The following PARP15 variants were observed in gnomAD, a reference collection of about 807,000 sequenced individuals.
PARP15 encodes protein mono-ADP-ribosyltransferase PARP15.
In PARP15, 50 loss-of-function variants were observed where a neutral mutation model predicts 62.1. The observed-to-expected ratio is 0.81, with a 90% CI of 0.64 to 1.02. PARP15 has a LOEUF of 1.02. Ranked by LOEUF, PARP15 falls within the 50% of genes least tolerant of loss-of-function variation. The probability of loss-of-function intolerance (pLI) is 0.00; values close to 1 mark genes in which losing one functional copy is unlikely to be tolerated. For missense variants in PARP15, 820 were observed against 826.5 expected, an observed-to-expected ratio of 0.99 and a Z score of 0.10; for synonymous variants, 309 against 293.1, an observed-to-expected ratio of 1.05 and a Z score of -0.55.
intron 1 of PARP15, among the ~76,000 whole-genome samples, chr3:122,596,685 A>G (rs1450180090): frequency 1.3e-5 from 2 of 152,244 alleles, no homozygotes; most frequent in African/African-American, 2.4e-5. Context: ...AGGGTTTACC[A>G]TGCACAAAAT....
intron 1 of PARP15, among the ~76,000 whole-genome samples, chr3:122,602,328 G>T (rs918762533): frequency 7.2e-5 from 11 of 152,152 alleles, no homozygotes; most frequent in African/African-American, 2.2e-4. Flanking sequence ...GACTGGTATG[G>T]AGGTAGAGGA....
chr3:122,628,696 G>C (rs1260604906), intron 9 of PARP15, among the ~76,000 whole-genome samples: 1 of 152,224 alleles, frequency 6.6e-6, no homozygotes, highest in Non-Finnish European at 1.5e-5. Context: ...CTGACCCTCT[G>C]AGACAGCAGG....
intron 4 of PARP15, 197 bp from the exon 5 acceptor site, chr3:122,615,582 A>T: frequency 7.9e-7 from 1 of 1,273,630 alleles, no homozygotes; most frequent in Non-Finnish European, 1.1e-6. Context: ...CTCACAAAGT[A>T]AAGCAAATCA....
intron 7 of PARP15, 85 bp downstream of exon 7, chr3:122,619,928 G>C (rs1410572620): frequency 7.8e-7 from 1 of 1,287,188 alleles, no homozygotes; most frequent in Non-Finnish European, 1.1e-6. Context: ...AGGACTGGAG[G>C]TGGAGTAAGT....
At chr3:122,627,912 A>C (rs1473228933) in intron 9 of PARP15, among the ~76,000 whole-genome samples, 1 of 152,240 alleles carries the variant, frequency 6.6e-6, no homozygotes, top group African/African-American at 2.4e-5. Flanking sequence ...AAATAATAGA[A>C]AGTCCATCTT....
chr3:122,600,942 T>C (rs1934737763), intron 1 of PARP15, among the ~76,000 whole-genome samples: 1 of 151,840 alleles, frequency 6.6e-6, no homozygotes, highest in South Asian at 2.1e-4. Flanking sequence ...TTGTTGCAAC[T>C]GATGAACCAA....
At chr3:122,594,257 G>T (rs1934167375) in intron 1 of PARP15, among the ~76,000 whole-genome samples, 1 of 152,060 alleles carries the variant, frequency 6.6e-6, no homozygotes, top group South Asian at 2.1e-4. Context: ...GCTATGATGG[G>T]ACACTGCATT....
chr3:122,591,474 A>G (rs902360894), intron 1 of PARP15, among the ~76,000 whole-genome samples: 6 of 152,164 alleles, frequency 3.9e-5, no homozygotes, highest in Non-Finnish European at 5.9e-5. Flanking sequence ...TTTCTTAAAA[A>G]TATTGGGGCC....
At chr3:122,611,160 GAA>G (rs1233461909) in intron 3 of PARP15, among the ~76,000 whole-genome samples, 1 of 151,924 alleles carries the variant, frequency 6.6e-6, no homozygotes, top group Non-Finnish European at 1.5e-5. Context: ...TGGTGAAGAA[GAA>G]AAAAGAGTCA....
chr3:122,580,985 C>T (rs895351815), intron 1 of PARP15, among the ~76,000 whole-genome samples: 1 of 152,118 alleles, frequency 6.6e-6, no homozygotes, highest in Non-Finnish European at 1.5e-5. Flanking sequence ...TTACCATTGC[C>T]TGTAGTATTC....
intron 2 of PARP15, among the ~76,000 whole-genome samples, chr3:122,607,146 GA>G (rs749372881): frequency 7.9e-5 from 12 of 152,126 alleles, no homozygotes; most frequent in Non-Finnish European, 1.6e-4. Flanking sequence ...TATAACACTG[GA>G]ATTGTAATTA....
intron 7 of PARP15, among the ~76,000 whole-genome samples, chr3:122,620,653 G>A (rs374850014): frequency 1.3e-5 from 2 of 151,634 alleles, no homozygotes; most frequent in East Asian, 1.9e-4. Context: ...GGGAGAGCTC[G>A]CTGTGCCTGG....
rs989096552 is a variant in PARP15, at chr3:122,634,807, C to T, written c.1573-213C>T. On this transcript the variant is annotated intron_variant, in intron 10 of 11. Transcript: ENST00000464300. ...AACAAGCACTATTACAAAGCATAGACACTAATAGATACTTTTAGCCCATCT... is the reference window on the plus strand; with the variant it reads ...AACAAGCACTATTACAAAGCATAGATACTAATAGATACTTTTAGCCCATCT... 7.2e-5 allele frequency among the ~76,000 whole-genome samples: 11 copies of T among 152,198 alleles called. 1 individual carries two copies. Among genetic ancestry groups the T allele is most frequent in the South Asian group, 6.2e-4 (3 of 4,834 alleles).
In PARP15 at chr3:122,621,867, C is replaced by A. The variant is rs1936372524; in HGVS notation, c.1231+256C>A. ...AGGCTGGAGTGCAGTGGTGTAATCT[C>A]AGCTCACTGCAACCTCCTCCTCCCA... On this transcript the variant is annotated intron_variant, in intron 8 of 11. Coordinates refer to ENST00000464300, the MANE Select transcript of PARP15 (RefSeq NM_001113523.3). Among the ~76,000 whole-genome samples, 3 of 152,158 alleles carry A rather than the reference C, an allele frequency of 2.0e-5. No homozygotes were observed. The South Asian group carries it at 6.2e-4, about 32-fold the overall frequency.
intron 1 of PARP15, among the ~76,000 whole-genome samples, chr3:122,586,508 C>T (rs1447457667): frequency 1.5e-5 from 2 of 130,688 alleles, no homozygotes; most frequent in Non-Finnish European, 3.3e-5. Flanking sequence ...ACATGCCCAA[C>T]CCATATGTAA....
intron 1 of PARP15, among the ~76,000 whole-genome samples, chr3:122,584,681 G>A (rs929491748): frequency 1.3e-5 from 2 of 150,026 alleles, no homozygotes; most frequent in Non-Finnish European, 3.0e-5. Context: ...GGGTTCAGGC[G>A]ATTCTCCTGC....
intron 1 of PARP15, among the ~76,000 whole-genome samples, chr3:122,599,372 CA>C (rs35376492): frequency 2.1e-3 from 278 of 134,078 alleles, no homozygotes; most frequent in Middle Eastern, 0.012. Context: ...GACATAGTCT[CA>C]AAAAAAAAAA....
At chr3:122,593,120 C>CTATCTATCTATCTATCTATCTATGTATG (rs373898846) in intron 1 of PARP15, among the ~76,000 whole-genome samples, 3 of 30,534 alleles carry the variant, frequency 9.8e-5, no homozygotes, top group Admixed American at 1.3e-3. Context: ...ATCTATCTAT[C>CTATCTATCTATCTATCTATCTATGTATG]TATGTATCTA....
Position 122,635,069 on chromosome 3 carries a change from A to C in PARP15, c.1622A>C (p.Lys541Thr), listed in dbSNP as rs749936775. 2.5e-6 allele frequency: 4 copies of C among 1,614,128 alleles called. No individual in the cohort carries two copies. In the South Asian group the frequency reaches 4.4e-5, roughly 18 times the overall value. Reference protein sequence around the residue: ...AFLWQSYQVKKRQMDIKNDHK... With the variant: ...AFLWQSYQVKTRQMDIKNDHK... ...CTCTGGCAGAGCTACCAGGTAAAGA[A>C]AAGGCAAATGGATATCAAGAATGAC... Residue 541 changes from lysine (K) to threonine (T), a missense_variant, in exon 11 of 12, where the codon AAA (lysine) becomes ACA (threonine). This residue lies in a region of PARP15 where 731 missense variants were observed against 727.7 expected (regional missense o/e 1.00). Coordinates refer to ENST00000464300, the MANE Select transcript of PARP15 (RefSeq NM_001113523.3).
Sources: allele counts gnomAD v4.1 joint callset (sites outside exome capture counted in the v4.1 genomes callset), GRCh38; gene constraint gnomAD v4.1.1; regional missense constraint gnomAD v4.1.1; transcripts MANE v1.5; gene names NCBI Gene and HGNC (gene_info 2026-07-23, HGNC 2026-07-21).